Variants in NCAM1 observed in about 807,000 individuals in gnomAD.
NCAM1 encodes the protein neural cell adhesion molecule 1.
Under a neutral mutation model 109.8 loss-of-function variants are expected in NCAM1, and 14 were observed. The ratio of observed to expected loss-of-function variants is 0.13; its 90% confidence interval spans 0.08 to 0.20. The LOEUF (loss-of-function observed/expected upper bound fraction) is 0.20, where lower values mean the gene tolerates loss of function less well. NCAM1 is among the 10% of genes least tolerant of loss of function. The pLI is 1.00. For missense variants in NCAM1, 774 were observed against 1,109.9 expected, an observed-to-expected ratio of 0.70 and a Z score of 4.30; for synonymous variants, 418 against 442.9, an observed-to-expected ratio of 0.94 and a Z score of 0.70.
intron 17 of NCAM1, among the ~76,000 whole-genome samples, chr11:113,266,816 T>C (rs1346905693): frequency 6.6e-6 from 1 of 152,178 alleles, no homozygotes; most frequent in Non-Finnish European, 1.5e-5. Flanking sequence ...TCTTTCTCAG[T>C]CCACACTCTG....
chr11:113,074,131 C>T lies in NCAM1; in HGVS notation c.52+112467C>T, dbSNP rs369442990. On this transcript the variant is annotated intron_variant, in intron 1 of 19. Transcript: ENST00000316851. Reference sequence around the variant, plus strand: ...TTAAAATTACTTTTTGGTGCTGCTGCTGTGTCCTTCTCTCCAGATTCCCTT... The same window carrying T: ...TTAAAATTACTTTTTGGTGCTGCTGTTGTGTCCTTCTCTCCAGATTCCCTT... Among the ~76,000 whole-genome samples the T allele has an allele frequency of 6.6e-5, 10 of 152,298 alleles. No homozygotes were observed. In the East Asian group the frequency reaches 1.3e-3, roughly 21 times the overall value.
At chr11:113,149,435 G>A (rs1358955786) in intron 1 of NCAM1, among the ~76,000 whole-genome samples, 2 of 152,224 alleles carry the variant, frequency 1.3e-5, no homozygotes, top group East Asian at 3.8e-4. Context: ...ACATCTGGCT[G>A]AGGACAGGGC....
At chr11:113,172,192 A>T (rs1943015990) in intron 1 of NCAM1, among the ~76,000 whole-genome samples, 1 of 152,196 alleles carries the variant, frequency 6.6e-6, no homozygotes, top group Admixed American at 6.5e-5. Context: ...AACATAGTAC[A>T]TCTCATCTCT....
chr11:113,070,886 A>T (rs1938232160), intron 1 of NCAM1, among the ~76,000 whole-genome samples: 1 of 152,184 alleles, frequency 6.6e-6, no homozygotes, highest in Non-Finnish European at 1.5e-5. Context: ...CCTCACAGAA[A>T]TATTTTTGGG....
chr11:113,193,373 G>A (rs1372266492), intron 1 of NCAM1, among the ~76,000 whole-genome samples: 1 of 152,204 alleles, frequency 6.6e-6, no homozygotes, highest in African/African-American at 2.4e-5. Flanking sequence ...AGGCACAGTG[G>A]CTTATGCCAG....
At chr11:113,178,812 G>T (rs1943247000) in intron 1 of NCAM1, among the ~76,000 whole-genome samples, 1 of 152,152 alleles carries the variant, frequency 6.6e-6, no homozygotes, top group East Asian at 1.9e-4. Context: ...ATGACACATG[G>T]CAGATTACAG....
At chr11:113,205,067 G>C in intron 3 of NCAM1, among the ~76,000 whole-genome samples, 1 of 152,112 alleles carries the variant, frequency 6.6e-6, no homozygotes, top group East Asian at 1.9e-4. Flanking sequence ...CTTTTTTCCT[G>C]TTCTTTTCAT....
rs541628711 is a variant in NCAM1 at position 113,124,489 on chromosome 11, G to A, written c.53-77890G>A. Among the ~76,000 whole-genome samples, 10 of 152,300 alleles carry A rather than the reference G, an allele frequency of 6.6e-5. No homozygotes were observed. The East Asian group carries it at 1.4e-3, about 21-fold the overall frequency. The stretch of plus-strand genomic sequence containing the variant: ...ATCCAGCCAAGCAGGGGCTGACAGC[G>A]CCATAGCTAAGTCCCTCTCTGTACA... On this transcript the variant is annotated intron_variant, in intron 1 of 19. Coordinates refer to ENST00000316851, the MANE Select transcript of NCAM1 (RefSeq NM_181351.5).
At chr11:113,263,691 CCTGGCAG>C in intron 17 of NCAM1, 1 of 985,582 alleles carries the variant, frequency 1.0e-6, no homozygotes, top group Non-Finnish European at 1.2e-6. Flanking sequence ...TCCCCTGCTG[CCTGGCAG>C]CATGTCGCAG....
chr11:113,030,051 A>G (rs1369341743), intron 1 of NCAM1, among the ~76,000 whole-genome samples: 1 of 127,936 alleles, frequency 7.8e-6, no homozygotes, highest in Non-Finnish European at 1.7e-5. Context: ...GGTTGGTGTT[A>G]TCTTTATTTG....
intron 1 of NCAM1, among the ~76,000 whole-genome samples, chr11:113,089,886 C>A (rs797043117): frequency 1.5e-4 from 23 of 152,250 alleles, no homozygotes; most frequent in African/African-American, 5.3e-4. Flanking sequence ...GATTCAGATC[C>A]ACTTTTCCTC....
chr11:113,130,221 A>T (rs1941335210), intron 1 of NCAM1, among the ~76,000 whole-genome samples: 1 of 152,216 alleles, frequency 6.6e-6, no homozygotes, highest in South Asian at 2.1e-4. Context: ...TCTGCAAACA[A>T]TATTTTTAGG....
At chr11:113,267,534 T>C (rs1166110947) in intron 17 of NCAM1, among the ~76,000 whole-genome samples, 1 of 151,768 alleles carries the variant, frequency 6.6e-6, no homozygotes, top group Non-Finnish European at 1.5e-5. Flanking sequence ...AGGCACAGAA[T>C]CATCAAGGCC....
intron 1 of NCAM1, among the ~76,000 whole-genome samples, chr11:113,161,120 C>A (rs1432490585): frequency 6.6e-6 from 1 of 152,004 alleles, no homozygotes; most frequent in African/African-American, 2.4e-5. Context: ...ACAGACCATC[C>A]GTTTTAGAAA....
intron 1 of NCAM1, among the ~76,000 whole-genome samples, chr11:113,126,390 T>C (rs1471860349): frequency 2.0e-5 from 3 of 152,048 alleles, no homozygotes; most frequent in Non-Finnish European, 4.4e-5. Flanking sequence ...ATACAACTCA[T>C]CCAATGGTAA....
chr11:113,213,009 G>A (rs1169145473), intron 7 of NCAM1, among the ~76,000 whole-genome samples: 1 of 152,078 alleles, frequency 6.6e-6, no homozygotes, highest in Non-Finnish European at 1.5e-5. Flanking sequence ...TTACCTTTAG[G>A]CAAATATTTG....
At chr11:113,188,940 G>A (rs971434352) in intron 1 of NCAM1, among the ~76,000 whole-genome samples, 27 of 152,092 alleles carry the variant, frequency 1.8e-4, no homozygotes, top group African/African-American at 6.0e-4. Flanking sequence ...CAGAGTCACC[G>A]TGGTCACTGT....
At chr11:113,264,771 A>G (rs1946099567) in intron 17 of NCAM1, 16 of 985,376 alleles carry the variant, frequency 1.6e-5, no homozygotes, top group Non-Finnish European at 1.9e-5. Context: ...AGGGTCAGGC[A>G]GGCCTCAGCT....
intron 1 of NCAM1, among the ~76,000 whole-genome samples, chr11:113,033,035 G>C (rs1172090652): frequency 1.3e-5 from 2 of 152,178 alleles, no homozygotes; most frequent in Non-Finnish European, 2.9e-5. Context: ...TACTTTTGAG[G>C]TAATTGCCAG....
Sources: gnomAD v4.1 joint callset for allele counts (sites outside exome capture counted in the v4.1 genomes callset) on GRCh38, gnomAD v4.1.1 for gene constraint, MANE v1.5 for transcripts, NCBI Gene and HGNC (gene_info 2026-07-23, HGNC 2026-07-21) for gene names.